The following ARHGAP6 variants were observed in gnomAD, a reference collection of about 807,000 sequenced individuals.
ARHGAP6 encodes the protein rho GTPase-activating protein 6.
In ARHGAP6, 16 loss-of-function variants were observed where a neutral mutation model predicts 55.7. The ratio of observed to expected loss-of-function variants is 0.29; its 90% CI spans 0.19 to 0.44. The LOEUF (loss-of-function observed/expected upper bound fraction) is 0.44, where lower values mean the gene tolerates loss of function less well. Ranked by LOEUF, ARHGAP6 falls within the 20% of genes least tolerant of loss-of-function variation. The probability of loss-of-function intolerance (pLI) is 1.00; values close to 1 mark genes in which losing one functional copy is unlikely to be tolerated. For synonymous variants in ARHGAP6, 382 were observed against 360.9 expected (o/e 1.06, Z -0.66); for missense variants, 698 against 808.9 (o/e 0.86, Z 1.66).
intron 10 of ARHGAP6, among the ~76,000 whole-genome samples, chrX:11,145,612 G>A (rs763079900): frequency 1.8e-5 from 2 of 112,326 alleles, no homozygotes; most frequent in Admixed American, 1.9e-4. Flanking sequence ...GCATCCCAGG[G>A]TGGCTGCATC....
chrX:11,395,464 T>G (rs1341246508), intron 1 of ARHGAP6, among the ~76,000 whole-genome samples: 2 of 112,330 alleles, frequency 1.8e-5, no homozygotes, highest in African/African-American at 6.5e-5. Context: ...AGCTCTGATT[T>G]GCGCCATTTG....
At chrX:11,350,439 C>A (rs1259775294) in intron 1 of ARHGAP6, among the ~76,000 whole-genome samples, 1 of 112,113 alleles carries the variant, frequency 8.9e-6, no homozygotes, top group African/African-American at 3.2e-5. Context: ...GGCTGAAGGG[C>A]CCCAATATTT....
intron 1 of ARHGAP6, among the ~76,000 whole-genome samples, chrX:11,597,072 T>C (rs1301750932): frequency 8.9e-6 from 1 of 111,905 alleles, no homozygotes; most frequent in Non-Finnish European, 1.9e-5. Context: ...CTATACCCTT[T>C]GATTTAAATT....
intron 2 of ARHGAP6, among the ~76,000 whole-genome samples, chrX:11,242,406 T>G (rs2238902): frequency 0.26 from 28,436 of 111,043 alleles, 3,175 homozygotes; most frequent in African/African-American, 0.42. Flanking sequence ...TTTACTTGCT[T>G]TCATTTTTCC....
intron 1 of ARHGAP6, among the ~76,000 whole-genome samples, chrX:11,506,995 T>G (rs1468450701): frequency 8.9e-6 from 1 of 112,171 alleles, no homozygotes; most frequent in African/African-American, 3.2e-5. Context: ...CCAGTGATGG[T>G]GAGCATTTTT....
intron 1 of ARHGAP6, among the ~76,000 whole-genome samples, chrX:11,436,327 A>C (rs1249820012): frequency 8.9e-6 from 1 of 112,431 alleles, no homozygotes; most frequent in Non-Finnish European, 1.9e-5. Context: ...CAGTGGAATG[A>C]TTGAAAGAAC....
At chrX:11,472,813 G>T (rs1478705187) in intron 1 of ARHGAP6, among the ~76,000 whole-genome samples, 1 of 111,130 alleles carries the variant, frequency 9.0e-6, no homozygotes, top group Non-Finnish European at 1.9e-5. Context: ...TAATAGACTG[G>T]ACATGGACAA....
intron 2 of ARHGAP6, among the ~76,000 whole-genome samples, chrX:11,221,167 TCTC>T (rs2046964169): frequency 8.9e-6 from 1 of 112,345 alleles, no homozygotes; most frequent in Non-Finnish European, 1.9e-5. Flanking sequence ...CATGTCTCCT[TCTC>T]CTTCAGTTCT....
chrX:11,139,134 G>A lies in ARHGAP6; in HGVS notation c.2654C>T (p.Pro885Leu), dbSNP rs1041703957. ...RDDKRPPPPY[P>L]GPGKPAAAAA... ...CGCTGCCGCGGGCTTCCCTGGGCCCGGGTATGGAGGCGGGGGCCGCTTGTC... is the reference window on the plus strand; with the variant it reads ...CGCTGCCGCGGGCTTCCCTGGGCCCAGGTATGGAGGCGGGGGCCGCTTGTC... Residue 885 changes from proline to leucine, a missense_variant, in exon 13 of 13, where the codon CCG becomes CTG. By Grantham distance (98) the Pro-to-Leu change is moderately conservative. Coordinates refer to ENST00000337414, the MANE Select transcript of ARHGAP6 (RefSeq NM_013427.3). The A allele has an allele frequency of 6.6e-6, 8 of 1,204,400 alleles. No homozygotes were observed. The highest frequency in any genetic ancestry group is 3.5e-5 in the African/African-American group (2 of 57,376).
At chrX:11,487,945 G>A (rs1469331977) in intron 1 of ARHGAP6, among the ~76,000 whole-genome samples, 4 of 112,246 alleles carry the variant, frequency 3.6e-5, no homozygotes, top group Non-Finnish European at 7.5e-5. Flanking sequence ...GTTTGATGAC[G>A]AATGGGATAT....
intron 1 of ARHGAP6, among the ~76,000 whole-genome samples, chrX:11,424,471 T>C (rs1257473211): frequency 1.8e-5 from 2 of 112,358 alleles, no homozygotes; most frequent in Admixed American, 1.9e-4. Flanking sequence ...GATTCATTCA[T>C]GTCATCCTCA....
chrX:11,167,601 T>C (rs1201747583), intron 9 of ARHGAP6, among the ~76,000 whole-genome samples: 1 of 112,037 alleles, frequency 8.9e-6, no homozygotes, highest in Non-Finnish European at 1.9e-5. Context: ...AGCAGCTATA[T>C]TTTCAAAGAA....
At chrX:11,373,162 C>A (rs1299791754) in intron 1 of ARHGAP6, among the ~76,000 whole-genome samples, 1 of 109,278 alleles carries the variant, frequency 9.2e-6, no homozygotes, top group African/African-American at 3.3e-5. Flanking sequence ...TAAATCTCTG[C>A]CCATCTGTGT....
At chrX:11,463,769 T>C (rs1477766090) in intron 1 of ARHGAP6, among the ~76,000 whole-genome samples, 2 of 112,615 alleles carry the variant, frequency 1.8e-5, no homozygotes, top group Non-Finnish European at 3.7e-5. Context: ...TGTCTGTCTT[T>C]GCGTGCTTCC....
At chrX:11,152,142 T>TAG (rs1156586847) in intron 10 of ARHGAP6, among the ~76,000 whole-genome samples, 3 of 112,138 alleles carry the variant, frequency 2.7e-5, no homozygotes, top group African/African-American at 9.7e-5. Context: ...ATGAGGAAAC[T>TAG]AGAGAGAGAG....
chrX:11,624,702 C>T (rs957200695), intron 1 of ARHGAP6, among the ~76,000 whole-genome samples: 4 of 111,985 alleles, frequency 3.6e-5, no homozygotes, highest in Non-Finnish European at 3.8e-5. Flanking sequence ...CAGGCACCCA[C>T]CACCACGCCT....
intron 1 of ARHGAP6, among the ~76,000 whole-genome samples, chrX:11,614,706 G>A (rs5978451): frequency 0.14 from 15,901 of 111,341 alleles, 1,023 homozygotes; most frequent in Middle Eastern, 0.25. Context: ...CAATAACACA[G>A]CTCATGAGTG....
chrX:11,518,303 G>T (rs1435854664), intron 1 of ARHGAP6, among the ~76,000 whole-genome samples: 1 of 109,867 alleles, frequency 9.1e-6, no homozygotes, highest in Non-Finnish European at 1.9e-5. Context: ...ACCACACTTG[G>T]CTATTATTTT....
At chrX:11,185,172 G>A (rs1306142935) in intron 5 of ARHGAP6, among the ~76,000 whole-genome samples, 1 of 109,414 alleles carries the variant, frequency 9.1e-6, no homozygotes, top group African/African-American at 3.4e-5. Flanking sequence ...GTGTGTGTGT[G>A]TGTGTGTATG....
Sources: allele counts gnomAD v4.1 joint callset (sites outside exome capture counted in the v4.1 genomes callset), GRCh38; gene constraint gnomAD v4.1.1; transcripts MANE v1.5; gene names NCBI Gene and HGNC (gene_info 2026-07-23, HGNC 2026-07-21).